UEVLD: variants seen among roughly 807,000 people sequenced by gnomAD.
UEVLD encodes the protein ubiquitin-conjugating enzyme E2 variant 3.
A neutral mutation model predicts 58.6 loss-of-function variants in UEVLD; 47 were observed. The observed-to-expected ratio is 0.80, with a 90% CI of 0.63 to 1.02. The LOEUF (loss-of-function observed/expected upper bound fraction) is 1.02, where lower values mean the gene tolerates loss of function less well. Ranked by LOEUF, UEVLD falls within the 50% of genes least tolerant of loss-of-function variation. UEVLD has a pLI of 0.00. For missense variants in UEVLD, 510 were observed against 550.6 expected, an observed-to-expected ratio of 0.93 and a Z score of 0.74; for synonymous variants, 197 against 195.3, an observed-to-expected ratio of 1.01 and a Z score of -0.07.
rs781531710 is a variant in UEVLD at position 18,544,733 on chromosome 11, A to G, written c.950T>C (p.Ile317Thr). 2 of 1,573,910 alleles carry G rather than the reference A, an allele frequency of 1.3e-6. No individual in the cohort carries two copies. The highest frequency in any genetic ancestry group is 1.7e-6 in the Non-Finnish European group (2 of 1,166,302). The stretch of plus-strand genomic sequence containing the variant: ...TCTCTGTGAATCCAGATTACATCCA[A>G]TTCCGATCACTCGATTTGCAGGAAA... The part of the protein sequence containing the change: ...STFPANRVIG[I>T]GCNLDSQRLQ... Residue 317 changes from isoleucine (I) to threonine (T), a missense_variant, in exon 9 of 12, where the codon ATT (isoleucine) becomes ACT (threonine). Physicochemically the swap from Ile to Thr is moderately conservative, Grantham distance 89. Coordinates refer to ENST00000396197, the MANE Select transcript of UEVLD (RefSeq NM_001040697.4).
At chr11:18,576,050 TCTAAC>T (rs1206764193) in intron 2 of UEVLD, among the ~76,000 whole-genome samples, 1 of 152,154 alleles carries the variant, frequency 6.6e-6, no homozygotes, top group African/African-American at 2.4e-5. Flanking sequence ...GCAAACAAGA[TCTAAC>T]CTAACCAACT....
intron 6 of UEVLD, among the ~76,000 whole-genome samples, chr11:18,561,888 G>C (rs925357972): frequency 6.6e-6 from 1 of 150,734 alleles, no homozygotes; most frequent in Non-Finnish European, 1.5e-5. Flanking sequence ...GACTGAGCGA[G>C]ACTCCATCTC....
chr11:18,555,774 C>T (rs925657257), intron 7 of UEVLD, among the ~76,000 whole-genome samples: 7 of 151,906 alleles, frequency 4.6e-5, no homozygotes, highest in African/African-American at 1.7e-4. Flanking sequence ...ATAGCAAGAC[C>T]CTGTCTCTGC....
chr11:18,545,977 T>C (rs1469113658), intron 8 of UEVLD, among the ~76,000 whole-genome samples: 1 of 152,206 alleles, frequency 6.6e-6, no homozygotes, highest in African/African-American at 2.4e-5. Context: ...ACTACTTTTT[T>C]CTTACATTCC....
intron 1 of UEVLD, among the ~76,000 whole-genome samples, chr11:18,579,101 T>C (rs1853098878): frequency 1.3e-5 from 2 of 152,012 alleles, no homozygotes; most frequent in African/African-American, 4.8e-5. Context: ...ACTCCTGACC[T>C]CGTGATCTGC....
chr11:18,536,567 T>C (rs1394987383), intron 9 of UEVLD, 98 bp from the exon 10 acceptor site: 2 of 1,014,662 alleles, frequency 2.0e-6, no homozygotes, highest in Non-Finnish European at 3.0e-6. Context: ...TGTGCTAATA[T>C]TTATATAGAA....
chr11:18,539,038 C>T (rs561116869), intron 9 of UEVLD: 1 of 147,920 alleles, frequency 6.8e-6, no homozygotes, highest in Non-Finnish European at 1.5e-5. Flanking sequence ...CCAACCCCCC[C>T]AAAAAAGAAA....
intron 1 of UEVLD, among the ~76,000 whole-genome samples, chr11:18,585,641 TA>T (rs1358511004): frequency 1.4e-5 from 2 of 144,374 alleles, no homozygotes; most frequent in East Asian, 2.4e-4. Flanking sequence ...TTATTATTAT[TA>T]TTTTTTTTTT....
In UEVLD at chr11:18,529,637, TTA is replaced by T. The variant is rs1176184553; in HGVS notation, c.*2681_*2682del. 13 of 152,316 alleles carry T rather than the reference TTA, an allele frequency of 8.5e-5. No homozygotes were observed. The highest frequency in any genetic ancestry group is 5.9e-4 in the Admixed American group (9 of 15,306). 9.4% of individuals were successfully genotyped at this position (152,316 alleles called of 1,614,324 possible). ...TTTTAAAATCAGTTTATTTTACTCA[TTA>T]TTCTTAATATTTAAGGAAAACAATG... On this transcript the variant is annotated 3_prime_UTR_variant, in exon 12 of 12. Coordinates refer to ENST00000396197, the MANE Select transcript of UEVLD (RefSeq NM_001040697.4).
chr11:18,564,641 T>C (rs964484398), intron 6 of UEVLD, among the ~76,000 whole-genome samples: 2 of 152,228 alleles, frequency 1.3e-5, no homozygotes, highest in South Asian at 2.1e-4. Flanking sequence ...TTAAGTCATA[T>C]GAATGTCAAA....
chr11:18,546,587 CTCCGGGGT>C (rs1663311301), intron 8 of UEVLD, among the ~76,000 whole-genome samples: 1 of 151,530 alleles, frequency 6.6e-6, no homozygotes, highest in African/African-American at 2.4e-5. Flanking sequence ...CAACCACCAT[CTCCGGGGT>C]TCAAGCAATT....
At chr11:18,545,392 A>G (rs1343209300) in intron 8 of UEVLD, among the ~76,000 whole-genome samples, 2 of 151,074 alleles carry the variant, frequency 1.3e-5, no homozygotes, top group African/African-American at 4.9e-5. Flanking sequence ...TTTAATGTAC[A>G]TTAGAAACAC....
At position 18,532,346 on chromosome 11, in the gene UEVLD, T is replaced by C. The variant is rs1041404770; in HGVS notation, c.1390A>G (p.Ser464Gly). ...CAAAGTTTTAACTGTTGTTGGAGAC[T>C]GTGGATTGAGGATGCACTGCTTTGG... ...KLQSSASSIH[S>G]LQQQLKL Residue 464 changes from serine (S) to glycine (G), a missense_variant, in exon 12 of 12, where the codon AGT becomes GGT. Physicochemically the swap from Ser to Gly is moderately conservative, Grantham distance 56. Transcript: ENST00000396197. 6.2e-7 allele frequency: 1 copy of C among 1,610,368 alleles called. No individual in the cohort carries two copies. Among genetic ancestry groups the C allele is most frequent in the African/African-American group, 1.3e-5 (1 of 74,756 alleles).
chr11:18,582,361 G>A (rs115595145), intron 1 of UEVLD, among the ~76,000 whole-genome samples: 3,502 of 23,750 alleles, frequency 0.15, 50 homozygotes, highest in Middle Eastern at 0.25. Flanking sequence ...CTCCCGGCCC[G>A]AGCCAAAAAG....
Position 18,544,780 on chromosome 11 carries a change from A to G in UEVLD, c.903T>C (p.Tyr301=). The part of the protein sequence containing the change: ...VASQPVEIMT[Y]VTWKLSTFPA... Reference sequence around the variant, plus strand: ...GAAATGTACTCAGTTTCCATGTTACATAGGTCATGATTTCCACTAAATATT... The same window carrying G: ...GAAATGTACTCAGTTTCCATGTTACGTAGGTCATGATTTCCACTAAATATT... The change falls in exon 9 of 12, where the codon TAT becomes TAC. Residue 301 remains tyrosine, a synonymous_variant. Transcript: ENST00000396197. 6.5e-7 allele frequency: 1 copy of G among 1,539,492 alleles called. No individual in the cohort carries two copies. The highest frequency in any genetic ancestry group is 8.7e-7 in the Non-Finnish European group (1 of 1,153,346).
At chr11:18,573,879 T>C (rs1372047109) in intron 3 of UEVLD, among the ~76,000 whole-genome samples, 2 of 152,196 alleles carry the variant, frequency 1.3e-5, no homozygotes, top group African/African-American at 2.4e-5. Context: ...GGGCAATGTA[T>C]TCTCATTGTA....
At chr11:18,561,455 G>C (rs903825418) in intron 6 of UEVLD, among the ~76,000 whole-genome samples, 7 of 151,808 alleles carry the variant, frequency 4.6e-5, no homozygotes, top group Non-Finnish European at 8.8e-5. Flanking sequence ...AAATTAACCA[G>C]GCATGGTGGC....
chr11:18,585,275 G>A (rs769926330), intron 1 of UEVLD, among the ~76,000 whole-genome samples: 3 of 152,026 alleles, frequency 2.0e-5, no homozygotes, highest in East Asian at 1.9e-4. Flanking sequence ...ATTTTAAAAC[G>A]GTTTGCATAT....
chr11:18,574,680 A>G (rs1184848978), intron 3 of UEVLD, among the ~76,000 whole-genome samples: 1 of 152,174 alleles, frequency 6.6e-6, no homozygotes, highest in Admixed American at 6.5e-5. Context: ...GCTATTCTAA[A>G]CTGCTAGGTC....
Sources: gnomAD v4.1 joint callset for allele counts (sites outside exome capture counted in the v4.1 genomes callset) on GRCh38, gnomAD v4.1.1 for gene constraint, MANE v1.5 for transcripts, NCBI Gene and HGNC (gene_info 2026-07-23, HGNC 2026-07-21) for gene names.